CAST: variants seen among roughly 807,000 people sequenced by gnomAD.
CAST encodes MIR583 host.
A neutral mutation model predicts 119.6 loss-of-function variants in CAST; 76 were observed. The ratio of observed to expected loss-of-function variants is 0.64; its 90% confidence interval spans 0.53 to 0.77. The LOEUF (loss-of-function observed/expected upper bound fraction) is 0.77, where lower values mean the gene tolerates loss of function less well. Ranked by LOEUF, CAST falls within the 30% of genes least tolerant of loss-of-function variation. The pLI, the probability that CAST is intolerant of heterozygous loss-of-function variation, is 0.00. For missense variants in CAST, 953 were observed against 946.5 expected (o/e 1.01, Z -0.09); for synonymous variants, 319 against 331.6 (o/e 0.96, Z 0.41).
At chr5:96,672,464 C>CTTTT in intron 1 of CAST, among the ~76,000 whole-genome samples, 1 of 152,198 alleles carries the variant, frequency 6.6e-6, no homozygotes, top group East Asian at 1.9e-4. Context: ...AATCCCAACG[C>CTTTT]TTTGGGAGGC....
intron 1 of CAST, among the ~76,000 whole-genome samples, chr5:96,652,936 A>G (rs745450591): frequency 6.6e-6 from 1 of 152,086 alleles, no homozygotes; most frequent in Non-Finnish European, 1.5e-5. Flanking sequence ...CTGAGACCAC[A>G]CCCTCTTACC....
intron 1 of CAST, among the ~76,000 whole-genome samples, chr5:96,623,820 C>T (rs532884631): frequency 6.6e-6 from 1 of 152,228 alleles, no homozygotes; most frequent in South Asian, 2.1e-4. Flanking sequence ...CCTCAGCTTC[C>T]CATCTGGCTG....
intron 1 of CAST, among the ~76,000 whole-genome samples, chr5:96,647,517 T>TC (rs1406607598): frequency 1.3e-5 from 2 of 152,100 alleles, no homozygotes; most frequent in East Asian, 3.9e-4. Flanking sequence ...TTGAAATGTG[T>TC]CCCCCCAAAA....
At chr5:96,030,120 C>T in the CAST span, among the ~76,000 whole-genome samples, 3 of 152,040 alleles carry the variant, frequency 2.0e-5, no homozygotes, top group Non-Finnish European at 4.4e-5. Context: ...CTTCATTACT[C>T]ATCCAAATAT....
At chr5:96,571,359 T>A (rs1475175389) in intron 1 of CAST, among the ~76,000 whole-genome samples, 1 of 152,222 alleles carries the variant, frequency 6.6e-6, no homozygotes, top group Non-Finnish European at 1.5e-5. Context: ...CAGTAGAAAC[T>A]GCTCCACCCT....
the CAST span, among the ~76,000 whole-genome samples, chr5:96,408,025 T>G: frequency 6.6e-6 from 1 of 152,216 alleles, no homozygotes; most frequent in Non-Finnish European, 1.5e-5. Flanking sequence ...AGATCCCAAT[T>G]TTGTAAGATG....
At chr5:96,511,844 C>T in the CAST span, among the ~76,000 whole-genome samples, 4 of 152,206 alleles carry the variant, frequency 2.6e-5, no homozygotes, top group African/African-American at 7.2e-5. Context: ...TCTCATCCTC[C>T]GAAGCTTGGT....
intron 1 of CAST, among the ~76,000 whole-genome samples, chr5:96,561,290 GCA>G (rs1208902970): frequency 6.6e-6 from 1 of 151,444 alleles, no homozygotes; most frequent in African/African-American, 2.4e-5. Context: ...CACCAACATG[GCA>G]CATGTATACA....
chr5:96,070,153 C>T, the CAST span, among the ~76,000 whole-genome samples: 1 of 152,156 alleles, frequency 6.6e-6, no homozygotes, highest in Admixed American at 6.5e-5. Flanking sequence ...GGGTAATATA[C>T]TTCACTTAAA....
the CAST span, chr5:96,431,955 G>T: frequency 1.4e-6 from 1 of 713,292 alleles, no homozygotes; most frequent in South Asian, 1.5e-5. Context: ...CCTCGGAATC[G>T]CTCAGCTATA....
chr5:96,093,473 G>A, the CAST span, among the ~76,000 whole-genome samples: 3 of 152,236 alleles, frequency 2.0e-5, no homozygotes, highest in Admixed American at 6.5e-5. Flanking sequence ...CATGTCTTGC[G>A]TGTTCATGGG....
Position 96,766,071 on chromosome 5 carries a change from C to A in CAST, c.2056C>A (p.His686Asn). 2 of 1,605,002 alleles carry A rather than the reference C, an allele frequency of 1.2e-6. No individual in the cohort carries two copies. The highest frequency in any genetic ancestry group is 1.7e-6 in the Non-Finnish European group (2 of 1,172,758). Residue 686 changes from histidine (H) to asparagine (N), a missense_variant, in exon 27 of 32, where the codon CAT becomes AAT. Coordinates refer to ENST00000675179, the MANE Select transcript of CAST (RefSeq NM_001750.7). ...GATATAGGAAAAAGCTAAAGCTGAACATAGAGACAAGCTTGGAGAAAGAGA... is the reference window on the plus strand; with the variant it reads ...GATATAGGAAAAAGCTAAAGCTGAAAATAGAGACAAGCTTGGAGAAAGAGA... ...DKVKEKAKAE[H>N]RDKLGERDDT...
chr5:96,471,771 T>TGC, the CAST span, among the ~76,000 whole-genome samples: 2 of 129,784 alleles, frequency 1.5e-5, no homozygotes, highest in African/African-American at 6.1e-5. Flanking sequence ...AGTCTGTGTG[T>TGC]GTGTGTGTGT....
the CAST span, among the ~76,000 whole-genome samples, chr5:96,366,164 C>T: frequency 6.6e-6 from 1 of 152,230 alleles, no homozygotes; most frequent in Non-Finnish European, 1.5e-5. Flanking sequence ...CCCCCACCCT[C>T]TTCTGTCTTG....
Position 96,742,739 on chromosome 5 carries a change from A to C in CAST, c.1183A>C (p.Ile395Leu), listed in dbSNP as rs759499341. ...AGAACCTGAGCTCGACCTCCGCTCA[A>C]TTAAGGAAGTCGATGAGGTACTGAC... ...QAEPELDLRS[I>L]KEVDEAKAKE... Residue 395 changes from isoleucine to leucine, a missense_variant, in exon 16 of 32, where the codon ATT (isoleucine) becomes CTT (leucine). Transcript: ENST00000675179. 1 of 1,613,456 alleles carries C rather than the reference A, an allele frequency of 6.2e-7. No homozygotes were observed. Among genetic ancestry groups the C allele is most frequent in the Non-Finnish European group, 8.5e-7 (1 of 1,179,414 alleles).
chr5:96,485,348 A>G, the CAST span, among the ~76,000 whole-genome samples: 2 of 152,236 alleles, frequency 1.3e-5, no homozygotes, highest in African/African-American at 4.8e-5. Context: ...AGTGATGTTC[A>G]GAGTTCTAGA....
At chr5:96,562,013 C>T (rs905850913) in intron 1 of CAST, among the ~76,000 whole-genome samples, 1 of 150,384 alleles carries the variant, frequency 6.6e-6, no homozygotes, top group Non-Finnish European at 1.5e-5. Context: ...AGGATGGTCT[C>T]GATCTCCTGA....
chr5:96,523,908 T>C (rs1019402093), upstream of CAST, among the ~76,000 whole-genome samples: 1 of 152,232 alleles, frequency 6.6e-6, no homozygotes, highest in African/African-American at 2.4e-5. Context: ...AATGCCACAA[T>C]TAGCTGCAAA....
chr5:96,426,243 A>G, the CAST span, among the ~76,000 whole-genome samples: 1 of 152,218 alleles, frequency 6.6e-6, no homozygotes, highest in Non-Finnish European at 1.5e-5. Flanking sequence ...CAAATGGACC[A>G]TAATACTCAT....
Sources: allele counts gnomAD v4.1 joint callset (sites outside exome capture counted in the v4.1 genomes callset), GRCh38; gene constraint gnomAD v4.1.1; transcripts MANE v1.5; gene names NCBI Gene and HGNC (gene_info 2026-07-23, HGNC 2026-07-21).